The following FLI1 variants were observed in gnomAD, a reference collection of about 807,000 sequenced individuals.
The protein encoded by FLI1 is Fli-1 proto-oncogene, ETS transcription factor.
Under a neutral mutation model 53.1 loss-of-function variants are expected in FLI1, and 13 were observed. The observed-to-expected ratio is 0.24, with a 90% CI of 0.16 to 0.39. FLI1 has a LOEUF of 0.39. Ranked by LOEUF, FLI1 falls within the 10% of genes least tolerant of loss-of-function variation. The pLI is 1.00. For missense variants in FLI1, 424 were observed against 600.5 expected (o/e 0.71, Z 3.07); for synonymous variants, 244 against 236.7 (o/e 1.03, Z -0.28).
chr11:128,789,830 T>A (rs1942212874), intron 5 of FLI1, among the ~76,000 whole-genome samples: 1 of 152,116 alleles, frequency 6.6e-6, no homozygotes, highest in South Asian at 2.1e-4. Context: ...TACTGTGAGG[T>A]AATCTCCTGT....
chr11:128,746,885 A>G (rs2135786081), intron 1 of FLI1, among the ~76,000 whole-genome samples: 1 of 152,360 alleles, frequency 6.6e-6, no homozygotes, highest in Non-Finnish European at 1.5e-5. Flanking sequence ...ATAAAGCTCC[A>G]CATTGACCCA....
Position 128,811,122 on chromosome 11 carries a change from G to A in FLI1, c.*134G>A. On this transcript the variant is annotated 3_prime_UTR_variant, in exon 9 of 9. Transcript: ENST00000527786. Reference sequence around the variant, plus strand: ...TTCTTTCTTGTTGGATAGAACCTTTGTATTTGTTCTTTAAAAACATTTTTT... The same window carrying A: ...TTCTTTCTTGTTGGATAGAACCTTTATATTTGTTCTTTAAAAACATTTTTT... The A allele has an allele frequency of 1.2e-6, 1 of 865,848 alleles. No homozygotes were observed. The highest frequency in any genetic ancestry group is 1.8e-6 in the Non-Finnish European group (1 of 549,912). The allele number at this position is 865,848 out of a possible 1,614,324, so 53.6% of individuals were successfully genotyped here. A position where few individuals can be genotyped will look rare whatever the true frequency, so the allele number is the denominator to read the frequency against.
At chr11:128,770,953 G>A (rs519913) in intron 3 of FLI1, among the ~76,000 whole-genome samples, 27,812 of 152,120 alleles carry the variant, frequency 0.18, 2,828 homozygotes, top group Admixed American at 0.28. Context: ...ACTCACAGGT[G>A]AGGTAAAGCA....
At chr11:128,738,538 G>A (rs953240040) in intron 1 of FLI1, among the ~76,000 whole-genome samples, 7 of 152,182 alleles carry the variant, frequency 4.6e-5, no homozygotes, top group Non-Finnish European at 8.8e-5. Flanking sequence ...ATTGTATAGC[G>A]TGAACAGAGC....
intron 4 of FLI1, among the ~76,000 whole-genome samples, chr11:128,774,259 G>A (rs962026205): frequency 3.3e-5 from 5 of 152,142 alleles, no homozygotes; most frequent in South Asian, 2.1e-4. Context: ...TCACCTTTCC[G>A]AGGCGTCTGG....
chr11:128,803,812 AT>A (rs1375276336), intron 5 of FLI1: 1 of 152,204 alleles, frequency 6.6e-6, no homozygotes, highest in African/African-American at 2.4e-5. Context: ...ATCTCAGAAA[AT>A]GCCCATCAGA....
chr11:128,794,314 G>A lies in FLI1; in HGVS notation c.656-11052G>A, dbSNP rs181512110. On this transcript the variant is annotated intron_variant, in intron 5 of 8. Coordinates refer to ENST00000527786, the MANE Select transcript of FLI1 (RefSeq NM_002017.5). The stretch of plus-strand genomic sequence containing the variant: ...CTCTGCCAGGGGCCACCTCAGCACA[G>A]AGTGTTCCAAATGTGTTGGTTCTGC... Among the ~76,000 whole-genome samples the A allele has an allele frequency of 3.7e-4, 56 of 152,376 alleles. 1 individual carries two copies. Among genetic ancestry groups the A allele is most frequent in the Admixed American group, 4.6e-4 (7 of 15,302 alleles).
intron 1 of FLI1, among the ~76,000 whole-genome samples, chr11:128,738,667 G>C (rs1166253919): frequency 1.3e-5 from 2 of 152,240 alleles, no homozygotes; most frequent in East Asian, 1.9e-4. Flanking sequence ...TGAACCGTCT[G>C]TCCCACCTAC....
At chr11:128,748,125 G>T in intron 1 of FLI1, 1 of 266,902 alleles carries the variant, frequency 3.7e-6, no homozygotes, top group Non-Finnish European at 5.8e-6. Context: ...TACAGTCCTG[G>T]GAGGATGCAG....
At chr11:128,805,210 AC>A (rs749313033) in intron 5 of FLI1, 155 bp from the exon 6 acceptor site, 247 of 518,376 alleles carry the variant, frequency 4.8e-4, no homozygotes, top group Non-Finnish European at 7.4e-4. Context: ...TAATATTCCA[AC>A]CCCAGGGGGT....
intron 1 of FLI1, among the ~76,000 whole-genome samples, chr11:128,749,000 T>C (rs531594481): frequency 6.6e-6 from 1 of 152,186 alleles, no homozygotes; most frequent in Admixed American, 6.5e-5. Flanking sequence ...TTTTGTCTGT[T>C]GTTTATTTTG....
chr11:128,761,489 G>T (rs992518889), intron 2 of FLI1, among the ~76,000 whole-genome samples: 13 of 152,206 alleles, frequency 8.5e-5, no homozygotes, highest in African/African-American at 3.1e-4. Flanking sequence ...CAAAAGAGAA[G>T]GTGCTTGTTT....
Position 128,810,934 on chromosome 11 carries a change from C to A in FLI1, c.1305C>A (p.Asn435Lys). The change falls in exon 9 of 9, where the codon AAC becomes AAA. Residue 435 changes from asparagine to lysine, a missense_variant. Asn to Lys is a moderately conservative substitution (Grantham distance 94). Coordinates refer to ENST00000527786, the MANE Select transcript of FLI1 (RefSeq NM_002017.5). The surrounding 1 kb of genome is among the most constrained non-coding windows in gnomAD (Gnocchi z 6.6). ...SPTGGIYPNP[N>K]VPRHPNTHVP... ...CGGGGGGAATCTACCCCAACCCCAA[C>A]GTCCCCCGCCATCCTAACACCCACG... is the stretch of plus-strand genomic sequence containing the variant. 6.2e-7 allele frequency: 1 copy of A among 1,614,026 alleles called. No homozygotes were observed. The highest frequency in any genetic ancestry group is 8.5e-7 in the Non-Finnish European group (1 of 1,179,894).
chr11:128,809,237 C>G (rs1307439478), intron 8 of FLI1, 33 bp downstream of exon 8: 1 of 1,599,720 alleles, frequency 6.3e-7, no homozygotes, highest in Non-Finnish European at 8.6e-7. Flanking sequence ...GCCTTTTTTG[C>G]CAGAATGTTT....
chr11:128,744,603 C>A lies in FLI1; in HGVS notation c.19-13512C>A, dbSNP rs139446216. 2.0e-5 allele frequency among the ~76,000 whole-genome samples: 3 copies of A among 152,150 alleles called. No homozygotes were observed. The South Asian group carries it at 6.2e-4, about 32-fold the overall frequency. ...TTCAGATCCTGACAGTCTGGCTCTG[C>A]GGGTAACATGTCAAAGATGACAGAC... On this transcript the variant is annotated intron_variant, in intron 1 of 8. Coordinates refer to ENST00000527786, the MANE Select transcript of FLI1 (RefSeq NM_002017.5).
chr11:128,755,288 A>C (rs764407094), intron 1 of FLI1, among the ~76,000 whole-genome samples: 4 of 152,204 alleles, frequency 2.6e-5, no homozygotes, highest in Non-Finnish European at 4.4e-5. Flanking sequence ...AGGGAAGGGA[A>C]AGAAATTATT....
intron 1 of FLI1, among the ~76,000 whole-genome samples, chr11:128,710,843 C>A (rs1938756237): frequency 6.6e-6 from 1 of 152,180 alleles, no homozygotes; most frequent in African/African-American, 2.4e-5. Flanking sequence ...TCCAAAATCT[C>A]TCTTTTGAAG....
At chr11:128,773,228 T>C (rs1941629774) in intron 4 of FLI1, among the ~76,000 whole-genome samples, 1 of 151,886 alleles carries the variant, frequency 6.6e-6, no homozygotes, top group African/African-American at 2.4e-5. Flanking sequence ...CCTGGAGGGG[T>C]CTGGCAGAGG....
chr11:128,711,699 C>T (rs1198342887), intron 1 of FLI1, among the ~76,000 whole-genome samples: 2 of 152,186 alleles, frequency 1.3e-5, no homozygotes, highest in African/African-American at 4.8e-5. Flanking sequence ...AAAATACTGG[C>T]ATTGTACTTG....
Sources: gnomAD v4.1 joint callset for allele counts (sites outside exome capture counted in the v4.1 genomes callset) on GRCh38, gnomAD v4.1.1 for gene constraint, Gnocchi (gnomAD v3.1) non-coding constraint, MANE v1.5 for transcripts, NCBI Gene and HGNC (gene_info 2026-07-23, HGNC 2026-07-21) for gene names.